FGGY: variants seen among roughly 807,000 people sequenced by gnomAD.
FGGY encodes FGGY carbohydrate kinase domain containing.
In FGGY, 72 loss-of-function variants were observed where a neutral mutation model predicts 71.3. The observed-to-expected ratio is 1.01, with a 90% CI of 0.84 to 1.23. The LOEUF (loss-of-function observed/expected upper bound fraction) is 1.23, where lower values mean the gene tolerates loss of function less well. FGGY is among the 50% of genes most tolerant of loss of function. The probability of loss-of-function intolerance (pLI) is 0.00; values close to 1 mark genes in which losing one functional copy is unlikely to be tolerated. For missense variants in FGGY, 668 were observed against 682.3 expected, an observed-to-expected ratio of 0.98 and a Z score of 0.23; for synonymous variants, 251 against 250.3, an observed-to-expected ratio of 1.00 and a Z score of -0.02.
At chr1:59,606,075 G>T (rs79235939) in intron 8 of FGGY, among the ~76,000 whole-genome samples, 10,576 of 152,032 alleles carry the variant, frequency 0.07, 934 homozygotes, top group African/African-American at 0.21. Flanking sequence ...ATCCCCACCC[G>T]TTCTAGTTCA....
chr1:59,673,498 A>C (rs772663363), intron 13 of FGGY, among the ~76,000 whole-genome samples: 28 of 152,142 alleles, frequency 1.8e-4, no homozygotes, highest in Non-Finnish European at 2.2e-4. Context: ...CTTGTCAGCC[A>C]CTGTAAGGGC....
intron 7 of FGGY, among the ~76,000 whole-genome samples, chr1:59,549,835 G>C (rs913697203): frequency 1.3e-5 from 2 of 152,152 alleles, no homozygotes; most frequent in Non-Finnish European, 2.9e-5. Context: ...TTGTTGGTTG[G>C]ATGAATGGGA....
At chr1:59,727,936 T>A (rs1261110997) in intron 14 of FGGY, among the ~76,000 whole-genome samples, 1 of 152,178 alleles carries the variant, frequency 6.6e-6, no homozygotes, top group Admixed American at 6.5e-5. Flanking sequence ...ATAACCTGTC[T>A]AAGTTAAAAG....
intron 14 of FGGY, among the ~76,000 whole-genome samples, chr1:59,721,891 T>A (rs2097900008): frequency 6.6e-6 from 1 of 152,218 alleles, no homozygotes; most frequent in Admixed American, 6.5e-5. Flanking sequence ...CTTCTGCAGA[T>A]TCCCTGAGGA....
intron 11 of FGGY, among the ~76,000 whole-genome samples, chr1:59,654,808 A>G (rs2153946530): frequency 6.6e-6 from 1 of 152,268 alleles, no homozygotes; most frequent in Non-Finnish European, 1.5e-5. Context: ...GGATCCCAGG[A>G]AAGAGTTGAG....
chr1:59,316,213 A>C (rs1396649771), intron 1 of FGGY: 2 of 152,214 alleles, frequency 1.3e-5, no homozygotes, highest in Non-Finnish European at 2.9e-5. Context: ...AACTCCCAGC[A>C]AAGTCCAAAG....
intron 6 of FGGY, among the ~76,000 whole-genome samples, chr1:59,482,122 T>C (rs1048580281): frequency 6.6e-6 from 1 of 152,190 alleles, no homozygotes; most frequent in African/African-American, 2.4e-5. Context: ...CTCTTGGGTA[T>C]ACTAAGCTAT....
At chr1:59,360,285 A>G (rs990576036) in intron 4 of FGGY, among the ~76,000 whole-genome samples, 6 of 152,080 alleles carry the variant, frequency 3.9e-5, no homozygotes, top group African/African-American at 1.4e-4. Context: ...CCTGAGAGAG[A>G]TGAGAAGAGA....
rs553507345 is a variant in FGGY at position 59,443,801 on chromosome 1, C to CA, written c.555-13159dup. 9.7e-4 allele frequency among the ~76,000 whole-genome samples: 147 copies of CA among 152,274 alleles called. 1 individual carries two copies. The highest frequency in any genetic ancestry group is 3.0e-3 in the African/African-American group (125 of 41,558). On this transcript the variant is annotated intron_variant, in intron 5 of 15. Coordinates refer to ENST00000303721, the MANE Select transcript of FGGY (RefSeq NM_018291.5). Reference sequence around the variant, plus strand: ...TATGTTTTCTGTCTCTTCTGAGTGACACTGGGAAATAGTTATGATTGGGAA... The same window carrying CA: ...TATGTTTTCTGTCTCTTCTGAGTGACAACTGGGAAATAGTTATGATTGGGAA...
chr1:59,565,366 G>A (rs1257642481), intron 8 of FGGY, among the ~76,000 whole-genome samples: 1 of 152,068 alleles, frequency 6.6e-6, no homozygotes, highest in Non-Finnish European at 1.5e-5. Context: ...CTCACTGCAA[G>A]CTCTGCCTCC....
chr1:59,638,490 T>G (rs2096985272), intron 11 of FGGY, 115 bp downstream of exon 11: 2 of 1,264,944 alleles, frequency 1.6e-6, no homozygotes, highest in Admixed American at 2.2e-5. Context: ...CCAACAGCCC[T>G]CTGGCTTTGT....
chr1:59,390,992 A>G (rs1206332324), intron 5 of FGGY, among the ~76,000 whole-genome samples: 2 of 152,218 alleles, frequency 1.3e-5, no homozygotes, highest in Non-Finnish European at 2.9e-5. Flanking sequence ...GTATTTGACT[A>G]TTCAAACCCG....
At chr1:59,458,999 C>T (rs989654039) in intron 6 of FGGY, among the ~76,000 whole-genome samples, 24 of 152,250 alleles carry the variant, frequency 1.6e-4, no homozygotes, top group African/African-American at 3.1e-4. Context: ...CCTCATTGCC[C>T]GTCAAGATGT....
At chr1:59,390,591 C>T (rs753653465) in intron 5 of FGGY, among the ~76,000 whole-genome samples, 1 of 152,080 alleles carries the variant, frequency 6.6e-6, no homozygotes, top group Non-Finnish European at 1.5e-5. Context: ...TATTATTGAC[C>T]AGCAGCTAGG....
intron 7 of FGGY, among the ~76,000 whole-genome samples, chr1:59,551,535 C>T (rs918389478): frequency 6.6e-6 from 1 of 152,068 alleles, no homozygotes; most frequent in African/African-American, 2.4e-5. Context: ...ATCTCAGAAT[C>T]AATATATTTA....
chr1:59,433,037 A>G (rs1572088516), intron 5 of FGGY, among the ~76,000 whole-genome samples: 1 of 152,186 alleles, frequency 6.6e-6, no homozygotes, highest in East Asian at 1.9e-4. Flanking sequence ...TATCCAACTG[A>G]CCTTTGTATC....
intron 8 of FGGY, among the ~76,000 whole-genome samples, chr1:59,594,607 C>T (rs2096496826): frequency 6.6e-6 from 1 of 152,198 alleles, no homozygotes; most frequent in Non-Finnish European, 1.5e-5. Context: ...GGTGCTTCCT[C>T]CCACCAAGGC....
intron 14 of FGGY, among the ~76,000 whole-genome samples, chr1:59,729,347 T>C (rs76374599): frequency 0.097 from 14,770 of 152,228 alleles, 858 homozygotes; most frequent in South Asian, 0.17. Context: ...AATTCTAACA[T>C]TTGTGTTATA....
Position 59,324,555 on chromosome 1 carries a change from C to T in FGGY, c.201+2805C>T, listed in dbSNP as rs1200794824. Among the ~76,000 whole-genome samples the T allele has an allele frequency of 5.9e-5, 9 of 152,176 alleles. No individual in the cohort carries two copies. The South Asian group carries it at 1.5e-3, about 25-fold the overall frequency. On this transcript the variant is annotated intron_variant, in intron 2 of 15. Transcript: ENST00000303721. ...CCTCCCAAAGTGCTGGGATTACAGG[C>T]GTGAGCCACCGCGCCCGGCCAATAA...
Sources: allele counts gnomAD v4.1 joint callset (sites outside exome capture counted in the v4.1 genomes callset), GRCh38; gene constraint gnomAD v4.1.1; transcripts MANE v1.5; gene names NCBI Gene and HGNC (gene_info 2026-07-23, HGNC 2026-07-21).